Variants in PADI3 observed in about 807,000 individuals in gnomAD.
PADI3 encodes protein-arginine deiminase type-3.
In PADI3, 53 loss-of-function variants were observed where a neutral mutation model predicts 71.5. The ratio of observed to expected loss-of-function variants is 0.74; its 90% CI spans 0.59 to 0.93. PADI3 has a LOEUF of 0.93. Ranked by LOEUF, PADI3 falls within the 40% of genes least tolerant of loss-of-function variation. The probability of loss-of-function intolerance (pLI) is 0.00; values close to 1 mark genes in which losing one functional copy is unlikely to be tolerated. For missense variants in PADI3, 821 were observed against 868.0 expected (o/e 0.95, Z 0.68); for synonymous variants, 361 against 347.5 (o/e 1.04, Z -0.43).
chr1:17,266,820 C>T lies in PADI3; in HGVS notation c.510C>T (p.His170=), dbSNP rs779516592. The T allele has an allele frequency of 2.1e-5, 34 of 1,613,486 alleles. 1 individual carries two copies. In the South Asian group the frequency reaches 2.7e-4, roughly 13 times the overall value. The change falls in exon 5 of 16, where the codon CAC becomes CAT. Residue 170 remains histidine, a synonymous_variant. Transcript: ENST00000375460. ...ATGTCCAGGACAATTGTGACCAGCA[C>T]GTGCACTGCCTGCAAGGTGAGGCCG... The part of the protein sequence containing the change: ...SCDVQDNCDQ[H]VHCLQDLEDM...
intron 1 of PADI3, among the ~76,000 whole-genome samples, chr1:17,253,284 G>A (rs1030242953): frequency 1.3e-5 from 2 of 152,178 alleles, no homozygotes; most frequent in African/African-American, 2.4e-5. Context: ...GAAGGTCCTG[G>A]AAGGGTCAGG....
Position 17,280,751 on chromosome 1 carries a change from C to T in PADI3, c.1716C>T (p.Leu572=). ...GTGACATCATTGACATCCCACAGCT[C>T]TTCAAGACCGAGAGGAAAAAAGCAA... ...AECDIIDIPQ[L]FKTERKKATA... The change falls in exon 15 of 16, where the codon CTC becomes CTT. Residue 572 remains leucine, a synonymous_variant. Transcript: ENST00000375460. 1 of 1,614,190 alleles carries T rather than the reference C, an allele frequency of 6.2e-7. No homozygotes were observed. Among genetic ancestry groups the T allele is most frequent in the Non-Finnish European group, 8.5e-7 (1 of 1,180,018 alleles).
rs965296721 is a variant in PADI3 at position 17,249,968 on chromosome 1, C to A, written c.92+739C>A. Among the ~76,000 whole-genome samples, 39 of 152,248 alleles carry A rather than the reference C, an allele frequency of 2.6e-4. 1 individual carries two copies. The highest frequency in any genetic ancestry group is 2.4e-3 in the Admixed American group (37 of 15,286). ...TCCAACCTGGTTTCCTCTAGACACT[C>A]AATGCCCATGCATTATGCTCCTACT... On this transcript the variant is annotated intron_variant, in intron 1 of 15. Coordinates refer to ENST00000375460, the MANE Select transcript of PADI3 (RefSeq NM_016233.2).
At chr1:17,256,542 GGGATCCCCC>G (rs71894642) in intron 1 of PADI3, among the ~76,000 whole-genome samples, 14,000 of 152,202 alleles carry the variant, frequency 0.092, 678 homozygotes, top group South Asian at 0.2. Flanking sequence ...GTCTTCACTG[GGGATCCCCC>G]AGCATCTCAC....
chr1:17,265,404 G>A (rs114254865), intron 3 of PADI3, among the ~76,000 whole-genome samples: 2,354 of 151,286 alleles, frequency 0.016, 17 homozygotes, highest in Non-Finnish European at 0.025. Flanking sequence ...TGCAAGGGCT[G>A]CAGGGATGCA....
intron 13 of PADI3, among the ~76,000 whole-genome samples, chr1:17,278,689 C>A (rs966318198): frequency 1.3e-5 from 2 of 152,090 alleles, no homozygotes; most frequent in Non-Finnish European, 2.9e-5. Context: ...AGAGGATCCT[C>A]CCTTTCTCAG....
intron 1 of PADI3, among the ~76,000 whole-genome samples, chr1:17,250,888 G>A (rs928595279): frequency 2.0e-5 from 3 of 152,166 alleles, no homozygotes; most frequent in African/African-American, 7.2e-5. Flanking sequence ...GATGGATTGG[G>A]GCAATAAGAG....
chr1:17,259,419 G>A (rs925774472), intron 1 of PADI3, among the ~76,000 whole-genome samples, 159 bp from the exon 2 acceptor site: 2 of 152,202 alleles, frequency 1.3e-5, no homozygotes, highest in Non-Finnish European at 2.9e-5. Flanking sequence ...ATGTTTGTGT[G>A]GGGTCCAGGC....
Position 17,273,368 on chromosome 1 carries a change from C to A in PADI3, c.1076C>A (p.Ala359Glu). ...GAGATGGAGCTGGGCTACGTTCAGG[C>A]GCCGCACAAGACCCTCCCGGTGGTC... ...QDEMELGYVQ[A>E]PHKTLPVVFD... Residue 359 changes from alanine to glutamate, a missense_variant, in exon 10 of 16, where the codon GCG becomes GAG. By Grantham distance (107) the Ala-to-Glu change is moderately radical (BLOSUM62 -1). Coordinates refer to ENST00000375460, the MANE Select transcript of PADI3 (RefSeq NM_016233.2). 1.2e-6 allele frequency: 2 copies of A among 1,613,534 alleles called. No individual in the cohort carries two copies. Among genetic ancestry groups the A allele is most frequent in the Non-Finnish European group, 1.7e-6 (2 of 1,179,716 alleles).
chr1:17,264,199 C>A (rs1275996603), intron 3 of PADI3, among the ~76,000 whole-genome samples: 5 of 152,134 alleles, frequency 3.3e-5, no homozygotes, highest in African/African-American at 1.2e-4. Flanking sequence ...CTTTGCCTTT[C>A]TTTAGTTAGG....
At chr1:17,251,309 A>G (rs2072963195) in intron 1 of PADI3, among the ~76,000 whole-genome samples, 1 of 152,188 alleles carries the variant, frequency 6.6e-6, no homozygotes, top group Admixed American at 6.5e-5. Context: ...TGGAGGTGCC[A>G]TGATGTAACA....
At chr1:17,249,605 T>A (rs1374173698) in intron 1 of PADI3, among the ~76,000 whole-genome samples, 1 of 152,224 alleles carries the variant, frequency 6.6e-6, no homozygotes, top group South Asian at 2.1e-4. Context: ...AGCCCCATCC[T>A]GAGCCTATGA....
chr1:17,281,510 A>G (rs969237377), intron 15 of PADI3, among the ~76,000 whole-genome samples: 5 of 151,418 alleles, frequency 3.3e-5, no homozygotes, highest in Non-Finnish European at 5.9e-5. Flanking sequence ...CAGTGGCACA[A>G]TCTCACTCAC....
chr1:17,274,565 A>T, intron 10 of PADI3, 70 bp from the exon 11 acceptor site: 1 of 1,460,266 alleles, frequency 6.8e-7, no homozygotes, highest in South Asian at 1.3e-5. Context: ...AAGGAGCTCA[A>T]AGCCCAGCAA....
intron 7 of PADI3, 114 bp from the exon 8 acceptor site, chr1:17,270,765 C>T (rs1457122279): frequency 1.3e-6 from 1 of 775,652 alleles, no homozygotes; most frequent in Non-Finnish European, 2.2e-6. Context: ...GGTTCATTTC[C>T]ATCTTGCAGA....
At position 17,274,824 on chromosome 1, in the gene PADI3, G is replaced by C. The variant is rs201879700; in HGVS notation, c.1307+38G>C. The stretch of plus-strand genomic sequence containing the variant: ...CAGGGAATGGAGTTCCTGGGGTGGA[G>C]GCTGAGGGTTGGGGGTGGTGATGAT... On this transcript the variant is annotated intron_variant, in intron 11 of 15. Transcript: ENST00000375460. 4 of 1,602,866 alleles carry C rather than the reference G, an allele frequency of 2.5e-6. No individual in the cohort carries two copies. The African/African-American group carries it at 4.0e-5, about 16-fold the overall frequency.
At chr1:17,273,818 G>A (rs1049945727) in intron 10 of PADI3, among the ~76,000 whole-genome samples, 2 of 152,130 alleles carry the variant, frequency 1.3e-5, no homozygotes, top group African/African-American at 2.4e-5. Flanking sequence ...GACCAACCCT[G>A]TTCCGTTACT....
intron 15 of PADI3, among the ~76,000 whole-genome samples, chr1:17,281,006 G>C (rs11584287): frequency 0.11 from 17,106 of 152,274 alleles, 1,283 homozygotes; most frequent in Non-Finnish European, 0.16. Flanking sequence ...CCAAGCCCTG[G>C]CCCAAGGGGC....
chr1:17,251,521 C>T (rs1417123503), intron 1 of PADI3, among the ~76,000 whole-genome samples: 1 of 152,208 alleles, frequency 6.6e-6, no homozygotes, highest in African/African-American at 2.4e-5. Context: ...TGCCTGTAAG[C>T]GCTTTCCATA....
Sources: gnomAD v4.1 joint callset for allele counts (sites outside exome capture counted in the v4.1 genomes callset) on GRCh38, gnomAD v4.1.1 for gene constraint, MANE v1.5 for transcripts, NCBI Gene and HGNC (gene_info 2026-07-23, HGNC 2026-07-21) for gene names.